Variants in FXYD6 observed in about 807,000 individuals in gnomAD.
FXYD6 encodes the protein FXYD domain-containing ion transport regulator 6.
Under a neutral mutation model 16.7 loss-of-function variants are expected in FXYD6, and 7 were observed. The ratio of observed to expected loss-of-function variants is 0.42; its 90% CI spans 0.24 to 0.79. The LOEUF (loss-of-function observed/expected upper bound fraction) is 0.79. FXYD6 is among the 30% of genes least tolerant of loss of function. FXYD6 has a pLI of 0.28. For synonymous variants in FXYD6, 49 were observed against 43.0 expected, an observed-to-expected ratio of 1.14 and a Z score of -0.54; for missense variants, 111 against 116.2, an observed-to-expected ratio of 0.95 and a Z score of 0.21.
intron 1 of FXYD6, among the ~76,000 whole-genome samples, chr11:117,851,824 A>G (rs776354729): frequency 6.6e-6 from 1 of 152,228 alleles, no homozygotes; most frequent in Non-Finnish European, 1.5e-5. Context: ...CTAGTGTTCA[A>G]TGCTTTGAGT....
intron 1 of FXYD6, among the ~76,000 whole-genome samples, chr11:117,846,315 C>A (rs1476963000): frequency 6.6e-6 from 1 of 152,128 alleles, no homozygotes; most frequent in Non-Finnish European, 1.5e-5. Context: ...AATACTAAAC[C>A]TTTGTCATTA....
chr11:117,843,680 C>G lies in FXYD6; in HGVS notation c.-5-899G>C, dbSNP rs1046898475. On this transcript the variant is annotated intron_variant, in intron 1 of 7. Coordinates refer to ENST00000526014, the MANE Select transcript of FXYD6 (RefSeq NM_022003.4). Reference sequence around the variant, plus strand: ...CCCACCTCAAAAGTCCCCAAGTCAGCTCTTCCCACAGGCTTTGGTTCAGAA... The same window carrying G: ...CCCACCTCAAAAGTCCCCAAGTCAGGTCTTCCCACAGGCTTTGGTTCAGAA... 1.3e-5 allele frequency: 2 copies of G among 152,214 alleles called. 1 individual carries two copies. Among genetic ancestry groups the G allele is most frequent in the Admixed American group, 1.3e-4 (2 of 15,284 alleles). The allele number at this position is 152,214 out of a possible 1,614,324, so 9.4% of individuals were successfully genotyped here. A position where few individuals can be genotyped will look rare whatever the true frequency, so the allele number is the denominator to read the frequency against.
chr11:117,849,858 T>C (rs1165221976), intron 1 of FXYD6, among the ~76,000 whole-genome samples: 1 of 152,144 alleles, frequency 6.6e-6, no homozygotes, highest in African/African-American at 2.4e-5. Context: ...GTTACTTCAG[T>C]TGTTTTTCAG....
chr11:117,870,213 G>A lies in FXYD6; in HGVS notation c.-6+6379C>T, dbSNP rs2057104951. Reference sequence around the variant, plus strand: ...AGTCAGAGTGGGATTCAGGCCTCCTGCCTGCCAGCACAGGGGCTGAGGCCC... The same window carrying A: ...AGTCAGAGTGGGATTCAGGCCTCCTACCTGCCAGCACAGGGGCTGAGGCCC... On this transcript the variant is annotated intron_variant, in intron 1 of 7. Coordinates refer to ENST00000526014, the MANE Select transcript of FXYD6 (RefSeq NM_022003.4). The surrounding 1 kb of genome is among the most constrained non-coding windows in gnomAD (Gnocchi z 4.2). 6.6e-6 allele frequency among the ~76,000 whole-genome samples: 1 copy of A among 152,272 alleles called. No homozygotes were observed. The highest frequency in any genetic ancestry group is 2.4e-5 in the African/African-American group (1 of 41,474).
chr11:117,866,594 C>T (rs2057019235), intron 1 of FXYD6, among the ~76,000 whole-genome samples: 1 of 152,180 alleles, frequency 6.6e-6, no homozygotes, highest in South Asian at 2.1e-4. Context: ...TGTCTGTTAC[C>T]CATTGTCAGA....
Position 117,840,810 on chromosome 11 carries a change from C to G in FXYD6, c.209+338G>C, listed in dbSNP as rs191577253. 2.7e-3 allele frequency among the ~76,000 whole-genome samples: 418 copies of G among 152,178 alleles called. 2 individuals are homozygous for G. The highest frequency in any genetic ancestry group is 9.5e-3 in the African/African-American group (395 of 41,526). On this transcript the variant is annotated intron_variant, in intron 5 of 7. Coordinates refer to ENST00000526014, the MANE Select transcript of FXYD6 (RefSeq NM_022003.4). ...GTGTCGCAGGTCCTGTAGAGAGGAC[C>G]TGGGCATCTAGAGAGGCCAGGAAGC...
In FXYD6 at chr11:117,870,795, A is replaced by G. The variant is rs903516354; in HGVS notation, c.-6+5797T>C. Among the ~76,000 whole-genome samples the G allele has an allele frequency of 2.6e-5, 4 of 152,086 alleles. No homozygotes were observed. The highest frequency in any genetic ancestry group is 9.7e-5 in the African/African-American group (4 of 41,398). ...ATGCATCCTCATACCCACAGAGCCAAGGCCTACACCCCTTCCCATGTAGGG... is the reference window on the plus strand; with the variant it reads ...ATGCATCCTCATACCCACAGAGCCAGGGCCTACACCCCTTCCCATGTAGGG... On this transcript the variant is annotated intron_variant, in intron 1 of 7. Transcript: ENST00000526014. The surrounding 1 kb of genome is among the most constrained non-coding windows in gnomAD (Gnocchi z 4.2).
chr11:117,850,207 T>C (rs549825407), intron 1 of FXYD6, among the ~76,000 whole-genome samples: 2 of 152,126 alleles, frequency 1.3e-5, no homozygotes, highest in South Asian at 2.1e-4. Flanking sequence ...CCTTGCTTGG[T>C]GGTCTTCTGA....
At chr11:117,859,796 C>T (rs2056862905) in intron 1 of FXYD6, among the ~76,000 whole-genome samples, 1 of 152,220 alleles carries the variant, frequency 6.6e-6, no homozygotes, top group Non-Finnish European at 1.5e-5. Flanking sequence ...CCACCTCTCT[C>T]CCAGTACATC....
intron 1 of FXYD6, among the ~76,000 whole-genome samples, chr11:117,844,434 T>A (rs1591556182): frequency 6.6e-6 from 1 of 151,942 alleles, no homozygotes; most frequent in Non-Finnish European, 1.5e-5. Flanking sequence ...CTCCACCCCA[T>A]CCCCCTGCCT....
chr11:117,876,043 C>T (rs1007541229), intron 1 of FXYD6, among the ~76,000 whole-genome samples: 1 of 152,128 alleles, frequency 6.6e-6, no homozygotes, highest in African/African-American at 2.4e-5. Flanking sequence ...TCTCATGAAT[C>T]CCCGAGCGCT....
chr11:117,846,409 C>T, intron 1 of FXYD6, among the ~76,000 whole-genome samples: 1 of 152,192 alleles, frequency 6.6e-6, no homozygotes, highest in South Asian at 2.1e-4. Flanking sequence ...TTTCTTAATC[C>T]TAACATACTT....
chr11:117,873,969 C>T (rs1016019817), intron 1 of FXYD6, among the ~76,000 whole-genome samples: 1 of 152,144 alleles, frequency 6.6e-6, no homozygotes, highest in African/African-American at 2.4e-5. Flanking sequence ...TTCCATCAAC[C>T]CACCATCTCT....
chr11:117,866,555 G>C (rs1448739038), intron 1 of FXYD6, among the ~76,000 whole-genome samples: 1 of 152,164 alleles, frequency 6.6e-6, no homozygotes, highest in Non-Finnish European at 1.5e-5. Context: ...CTGGGACCCT[G>C]GGGCCTGTTA....
chr11:117,858,784 C>CCTTCT (rs1565324206), intron 1 of FXYD6, among the ~76,000 whole-genome samples: 5 of 128,398 alleles, frequency 3.9e-5, no homozygotes, highest in Non-Finnish European at 8.1e-5. Flanking sequence ...TTCCTTCTTT[C>CCTTCT]TTTTCTTTTT....
At position 117,841,987 on chromosome 11, in the gene FXYD6, C is replaced by T; in HGVS notation, c.97+3G>A. The T allele has an allele frequency of 6.2e-7, 1 of 1,614,196 alleles. No homozygotes were observed. Among genetic ancestry groups the T allele is most frequent in the South Asian group, 1.1e-5 (1 of 91,082 alleles). On this transcript the variant is annotated splice_donor_region_variant and intron_variant, in intron 3 of 7. Coordinates refer to ENST00000526014, the MANE Select transcript of FXYD6 (RefSeq NM_022003.4). ...CCCTGCACCCAGGGTTGCCATCGCT[C>T]ACCATAATGAAAAGGGTCCATTTCC...
In FXYD6 at chr11:117,838,286, G is replaced by A. The variant is rs886999190; in HGVS notation, c.*22-9C>T. On this transcript the variant is annotated splice_polypyrimidine_tract_variant and intron_variant, in intron 7 of 7. Coordinates refer to ENST00000526014, the MANE Select transcript of FXYD6 (RefSeq NM_022003.4). Reference sequence around the variant, plus strand: ...GCCTCAGGTTCCAGAGGCTGAGGAGGAGGATAATTTAAATTAAAAACACTT... The same window carrying A: ...GCCTCAGGTTCCAGAGGCTGAGGAGAAGGATAATTTAAATTAAAAACACTT... 1 of 702,414 alleles carries A rather than the reference G, an allele frequency of 1.4e-6. No homozygotes were observed. Among genetic ancestry groups the A allele is most frequent in the African/African-American group, 1.7e-5 (1 of 57,234 alleles). The allele number at this position is 702,414 out of a possible 1,614,324, so 43.5% of individuals were successfully genotyped here. A position where few individuals can be genotyped will look rare whatever the true frequency, so the allele number is the denominator to read the frequency against.
chr11:117,853,175 T>C (rs2056646492), intron 1 of FXYD6, among the ~76,000 whole-genome samples: 1 of 152,258 alleles, frequency 6.6e-6, no homozygotes, highest in South Asian at 2.1e-4. Context: ...CTGTGTTTGG[T>C]AATATATTCG....
chr11:117,861,518 G>A (rs920057087), intron 1 of FXYD6, among the ~76,000 whole-genome samples: 3 of 152,220 alleles, frequency 2.0e-5, no homozygotes, highest in Admixed American at 6.5e-5. Flanking sequence ...ATGGAGTTCT[G>A]TTGCTGTCAT....
Sources: gnomAD v4.1 joint callset for allele counts (sites outside exome capture counted in the v4.1 genomes callset) on GRCh38, gnomAD v4.1.1 for gene constraint, Gnocchi (gnomAD v3.1) non-coding constraint, MANE v1.5 for transcripts, NCBI Gene and HGNC (gene_info 2026-07-23, HGNC 2026-07-21) for gene names.